Variants in MTUS2 observed in about 807,000 individuals in gnomAD.
MTUS2 encodes the protein microtubule-associated tumor suppressor candidate 2.
A neutral mutation model predicts 114.1 loss-of-function variants in MTUS2; 40 were observed. That is an observed-to-expected ratio of 0.35 (90% CI 0.27 to 0.46). The LOEUF is 0.46. Ranked by LOEUF, MTUS2 falls within the 20% of genes least tolerant of loss-of-function variation. The probability of loss-of-function intolerance (pLI) is 1.00; values close to 1 mark genes in which losing one functional copy is unlikely to be tolerated. For synonymous variants in MTUS2, 688 were observed against 672.0 expected (o/e 1.02, Z -0.37); for missense variants, 1,679 against 1,705.4 (o/e 0.98, Z 0.27).
At chr13:29,324,490 C>T (rs1279113329) in intron 6 of MTUS2, 123 bp from the exon 7 acceptor site, 1 of 671,584 alleles carries the variant, frequency 1.5e-6, no homozygotes, top group Non-Finnish European at 2.6e-6. Flanking sequence ...CAACAAATCA[C>T]CCAAATATTT....
At chr13:29,199,647 T>G (rs1894854142) in intron 5 of MTUS2, among the ~76,000 whole-genome samples, 1 of 152,142 alleles carries the variant, frequency 6.6e-6, no homozygotes, top group South Asian at 2.1e-4. Flanking sequence ...GGGCCTGAAA[T>G]TTTCTTTTTT....
At chr13:29,365,383 T>C (rs1217423721) in intron 8 of MTUS2, among the ~76,000 whole-genome samples, 1 of 152,142 alleles carries the variant, frequency 6.6e-6, no homozygotes, top group East Asian at 1.9e-4. Context: ...CCTCTATTGA[T>C]GATAATATAC....
At chr13:29,030,728 A>AT (rs967339954) in intron 3 of MTUS2, among the ~76,000 whole-genome samples, 4 of 151,772 alleles carry the variant, frequency 2.6e-5, no homozygotes, top group South Asian at 2.1e-4. Flanking sequence ...TAGAAGCCAG[A>AT]TTTTTTTTTA....
rs147902882 is a variant in MTUS2, at chr13:29,497,631, G to A, written c.3678+295G>A. 4.4e-3 allele frequency: 1,868 copies of A among 420,042 alleles called. 10 individuals are homozygous for A. Among genetic ancestry groups the A allele is most frequent in the Middle Eastern group, 0.019 (28 of 1,442 alleles). The allele number at this position is 420,042 out of a possible 1,614,324, so 26.0% of individuals were successfully genotyped here. A position where few individuals can be genotyped will look rare whatever the true frequency, so the allele number is the denominator to read the frequency against. On this transcript the variant is annotated intron_variant, in intron 13 of 15. Transcript: ENST00000612955. ...AAGCATGGTCTGGAAACCCCCCTCC[G>A]CTGGCCTGACCACCCCTTCCAGCCC...
chr13:29,345,442 AT>A lies in MTUS2; in HGVS notation c.2906-13818del, dbSNP rs1868568073. Among the ~76,000 whole-genome samples, 2 of 151,272 alleles carry A rather than the reference AT, an allele frequency of 1.3e-5. 1 individual carries two copies. Among genetic ancestry groups the A allele is most frequent in the Non-Finnish European group, 2.9e-5 (2 of 67,912 alleles). ...TGAATTCCTTTCTTCTGCTTGTTTGATTCTATTGGTGACAGTTTCCAGTGTA... is the reference window on the plus strand; with the variant it reads ...TGAATTCCTTTCTTCTGCTTGTTTGATCTATTGGTGACAGTTTCCAGTGTA... On this transcript the variant is annotated intron_variant, in intron 7 of 15. Coordinates refer to ENST00000612955, the MANE Select transcript of MTUS2 (RefSeq NM_001033602.4).
intron 4 of MTUS2, among the ~76,000 whole-genome samples, chr13:29,092,565 G>A (rs1054374282): frequency 2.6e-5 from 4 of 152,080 alleles, no homozygotes; most frequent in Non-Finnish European, 5.9e-5. Flanking sequence ...CAAGAACTTC[G>A]GAACCTCTGA....
chr13:28,953,717 C>T (rs372652339), intron 2 of MTUS2, among the ~76,000 whole-genome samples: 2 of 152,120 alleles, frequency 1.3e-5, no homozygotes, highest in African/African-American at 2.4e-5. Flanking sequence ...TACATATAGT[C>T]CCCTCCCTAG....
intron 8 of MTUS2, among the ~76,000 whole-genome samples, chr13:29,416,632 A>G (rs1484624328): frequency 6.6e-6 from 1 of 152,124 alleles, no homozygotes; most frequent in Non-Finnish European, 1.5e-5. Flanking sequence ...AAGATTCCCT[A>G]AGGTTTTGTG....
At chr13:29,135,595 G>A (rs2138977835) in intron 5 of MTUS2, among the ~76,000 whole-genome samples, 1 of 151,970 alleles carries the variant, frequency 6.6e-6, no homozygotes, top group South Asian at 2.1e-4. Context: ...TGCCTTATAG[G>A]ATTTCTGTCC....
chr13:29,461,666 G>GTGTGGTTT (rs1879508016), intron 9 of MTUS2, among the ~76,000 whole-genome samples: 1 of 146,624 alleles, frequency 6.8e-6, no homozygotes, highest in African/African-American at 2.7e-5. Flanking sequence ...AGAATATCAG[G>GTGTGGTTT]CAGAGTACTA....
intron 5 of MTUS2, among the ~76,000 whole-genome samples, chr13:29,269,107 A>C (rs550168055): frequency 6.6e-6 from 1 of 152,356 alleles, no homozygotes; most frequent in Admixed American, 6.5e-5. Flanking sequence ...AGTAACTAGT[A>C]TAATAAAATT....
At chr13:29,263,363 G>A (rs1402394908) in intron 5 of MTUS2, among the ~76,000 whole-genome samples, 1 of 152,118 alleles carries the variant, frequency 6.6e-6, no homozygotes. Flanking sequence ...TTGGGCTCCT[G>A]GAGTTCTGTG....
intron 5 of MTUS2, among the ~76,000 whole-genome samples, chr13:29,181,817 TG>T: frequency 6.6e-6 from 1 of 151,944 alleles, no homozygotes; most frequent in South Asian, 2.1e-4. Flanking sequence ...TGTGTGTGTG[TG>T]TGTGTACTGG....
At chr13:29,491,831 T>TGG (rs1316305543) in intron 11 of MTUS2, among the ~76,000 whole-genome samples, 1 of 144,752 alleles carries the variant, frequency 6.9e-6, no homozygotes, top group African/African-American at 2.6e-5. Flanking sequence ...TGTGTGTGTG[T>TGG]GGTAGGTGTG....
intron 5 of MTUS2, among the ~76,000 whole-genome samples, chr13:29,105,464 C>T (rs1890616791): frequency 6.6e-6 from 1 of 152,110 alleles, no homozygotes; most frequent in Non-Finnish European, 1.5e-5. Flanking sequence ...GCCCAAGAAA[C>T]AGAAAATAGC....
chr13:29,468,780 A>G (rs1880067845), intron 9 of MTUS2, among the ~76,000 whole-genome samples: 1 of 152,186 alleles, frequency 6.6e-6, no homozygotes. Flanking sequence ...AAACAAATTA[A>G]TATTGTGTGT....
intron 9 of MTUS2, among the ~76,000 whole-genome samples, chr13:29,457,142 A>C (rs1164652533): frequency 2.6e-5 from 3 of 117,088 alleles, no homozygotes; most frequent in Admixed American, 8.0e-5. Context: ...GACTCCATTC[A>C]AAAAAAAAAA....
chr13:29,357,470 T>C (rs1869843512), intron 7 of MTUS2, among the ~76,000 whole-genome samples: 2 of 152,244 alleles, frequency 1.3e-5, no homozygotes, highest in Admixed American at 1.3e-4. Flanking sequence ...TGAAGTGTTT[T>C]ATAAAATCAC....
At chr13:29,174,544 G>A (rs1893691947) in intron 5 of MTUS2, among the ~76,000 whole-genome samples, 1 of 152,168 alleles carries the variant, frequency 6.6e-6, no homozygotes, top group Non-Finnish European at 1.5e-5. Flanking sequence ...AACAAGTGAT[G>A]TACAAATAAA....
Sources: gnomAD v4.1 joint callset for allele counts (sites outside exome capture counted in the v4.1 genomes callset) on GRCh38, gnomAD v4.1.1 for gene constraint, MANE v1.5 for transcripts, NCBI Gene and HGNC (gene_info 2026-07-23, HGNC 2026-07-21) for gene names.